TM7SF3: variants seen among roughly 807,000 people sequenced by gnomAD.
TM7SF3 encodes seven span transmembrane protein.
A neutral mutation model predicts 65.5 loss-of-function variants in TM7SF3; 60 were observed. The observed-to-expected ratio is 0.92, with a 90% CI of 0.74 to 1.14. The LOEUF is 1.14. TM7SF3 is among the 50% of genes most tolerant of loss of function. TM7SF3 has a pLI of 0.00. For missense variants in TM7SF3, 623 were observed against 684.8 expected, an observed-to-expected ratio of 0.91 and a Z score of 1.01; for synonymous variants, 264 against 259.6, an observed-to-expected ratio of 1.02 and a Z score of -0.16.
At chr12:26,994,213 T>A (rs1332779200) in intron 5 of TM7SF3, among the ~76,000 whole-genome samples, 1 of 152,206 alleles carries the variant, frequency 6.6e-6, no homozygotes, top group Non-Finnish European at 1.5e-5. Flanking sequence ...ATTTTGTGAA[T>A]AAGCACAATG....
chr12:26,975,546 A>C lies in TM7SF3; in HGVS notation c.1400T>G (p.Leu467Arg). 1 of 1,614,122 alleles carries C rather than the reference A, an allele frequency of 6.2e-7. No individual in the cohort carries two copies. Among genetic ancestry groups the C allele is most frequent in the Middle Eastern group, 1.6e-4 (1 of 6,062 alleles). Residue 467 changes from leucine (L) to arginine (R), a missense_variant, in exon 11 of 12, where the codon CTC becomes CGC. Physicochemically the swap from Leu to Arg is moderately radical, Grantham distance 102 (BLOSUM62 -2). Coordinates refer to ENST00000343028, the MANE Select transcript of TM7SF3 (RefSeq NM_016551.3). ...YITLNVLKRA[L>R]NKDFHRAFTN... ...GAAAGCTCTGTGGAAATCCTTGTTG[A>C]GCGCTCTCTTGAGTACGTTCAAAGT...
rs942363588 is a variant in TM7SF3, at chr12:26,972,589, T to C, written c.*1376A>G. ...TGCCACAATACCCAGCTAATTTTTG[T>C]ATTTTTAGTAGAGACAGGGTGTAGT... On this transcript the variant is annotated 3_prime_UTR_variant, in exon 12 of 12. Coordinates refer to ENST00000343028, the MANE Select transcript of TM7SF3 (RefSeq NM_016551.3). The C allele has an allele frequency of 1.3e-5, 2 of 152,104 alleles. No homozygotes were observed. Among genetic ancestry groups the C allele is most frequent in the Non-Finnish European group, 2.9e-5 (2 of 68,080 alleles). The allele number at this position is 152,104 out of a possible 1,614,324, so 9.4% of individuals were successfully genotyped here.
At chr12:26,983,692 C>T in intron 6 of TM7SF3, 1 of 358,170 alleles carries the variant, frequency 2.8e-6, no homozygotes, top group Non-Finnish European at 5.7e-6. Context: ...AAATTTAAAC[C>T]GAAACTCACA....
intron 6 of TM7SF3, chr12:26,983,572 A>G (rs1441054941): frequency 4.4e-6 from 2 of 455,090 alleles, no homozygotes; most frequent in Non-Finnish European, 8.8e-6. Context: ...TGAGGTGGAG[A>G]GGCAGAGAAG....
At chr12:26,974,298 C>G in intron 11 of TM7SF3, 71 bp from the exon 12 acceptor site, 1 of 1,477,898 alleles carries the variant, frequency 6.8e-7, no homozygotes, top group South Asian at 1.3e-5. Flanking sequence ...TACAACCCTT[C>G]ATGGACTAAA....
intron 1 of TM7SF3, among the ~76,000 whole-genome samples, chr12:27,011,976 C>CT (rs1477299025): frequency 6.6e-6 from 1 of 152,186 alleles, no homozygotes; most frequent in Non-Finnish European, 1.5e-5. Flanking sequence ...GCTCTCCTGA[C>CT]TCAGGGGCTG....
chr12:27,003,200 G>T, intron 2 of TM7SF3, 36 bp downstream of exon 2: 1 of 1,500,388 alleles, frequency 6.7e-7, no homozygotes, highest in Non-Finnish European at 9.1e-7. Flanking sequence ...CCAAAATATA[G>T]AAATGATTTT....
rs1228932529 is a variant in TM7SF3 at position 27,004,484 on chromosome 12, G to C, written c.92-1094C>G. ...CATGTTTTATTTTAGAAGGTAATTAGAGTCAGTGGGCGGTAAAACATTTCA... is the reference window on the plus strand; with the variant it reads ...CATGTTTTATTTTAGAAGGTAATTACAGTCAGTGGGCGGTAAAACATTTCA... On this transcript the variant is annotated intron_variant, in intron 1 of 11. Transcript: ENST00000343028. 3.3e-5 allele frequency among the ~76,000 whole-genome samples: 5 copies of C among 152,194 alleles called. No individual in the cohort carries two copies. In the East Asian group the frequency reaches 9.6e-4, roughly 29 times the overall value.
chr12:27,011,707 A>T (rs1262835452), intron 1 of TM7SF3, among the ~76,000 whole-genome samples: 1 of 152,208 alleles, frequency 6.6e-6, no homozygotes, highest in African/African-American at 2.4e-5. Flanking sequence ...TAGCTGATAG[A>T]TGTGGAGAAT....
chr12:26,995,695 T>C (rs1940562261), intron 4 of TM7SF3, among the ~76,000 whole-genome samples: 1 of 152,172 alleles, frequency 6.6e-6, no homozygotes, highest in African/African-American at 2.4e-5. Context: ...GAAGCCCTAA[T>C]GAATCGAATT....
At chr12:27,012,368 CAA>C (rs201316813) in intron 1 of TM7SF3, among the ~76,000 whole-genome samples, 6 of 146,790 alleles carry the variant, frequency 4.1e-5, no homozygotes, top group African/African-American at 1.3e-4. Context: ...GGTTTTTCTG[CAA>C]AAAAAAAAGT....
chr12:27,001,226 A>T (rs1178435650), intron 2 of TM7SF3, among the ~76,000 whole-genome samples: 3 of 152,180 alleles, frequency 2.0e-5, no homozygotes, highest in African/African-American at 7.2e-5. Flanking sequence ...CTTCTAAGTA[A>T]TATAACAGTG....
At chr12:27,008,053 A>G (rs1941104754) in intron 1 of TM7SF3, among the ~76,000 whole-genome samples, 1 of 152,152 alleles carries the variant, frequency 6.6e-6, no homozygotes, top group African/African-American at 2.4e-5. Flanking sequence ...ACGCATATAC[A>G]CATTTTTGTT....
intron 1 of TM7SF3, among the ~76,000 whole-genome samples, chr12:27,012,231 C>T (rs61920360): frequency 0.032 from 4,924 of 152,244 alleles, 102 homozygotes; most frequent in Non-Finnish European, 0.052. Flanking sequence ...AGCAGCTGTT[C>T]ATTTGTTCCT....
chr12:26,978,629 TGCAATG>T (rs1416997051), intron 9 of TM7SF3: 1 of 152,242 alleles, frequency 6.6e-6, no homozygotes, highest in Non-Finnish European at 1.5e-5. Context: ...CAGGCTGGAG[TGCAATG>T]GCACCATCAT....
rs768595247 is a variant in TM7SF3 at position 26,999,619 on chromosome 12, T to C, written c.304A>G (p.Arg102Gly). Residue 102 changes from arginine to glycine, a missense_variant, in exon 3 of 12, where the codon AGA (arginine) becomes GGA (glycine). Arg to Gly is a moderately radical substitution (Grantham distance 125, BLOSUM62 -2). Transcript: ENST00000343028. ...GTASGLVFIL[R>G]PEQSTCTWYL... ...CAAGTGCATGTACTCTGCTCTGGTC[T>C]AAGGATGAAAACCAGTCCACTGGCA... 1.2e-6 allele frequency: 2 copies of C among 1,614,094 alleles called. No individual in the cohort carries two copies.
At chr12:26,998,294 C>T (rs1940686812) in intron 3 of TM7SF3, among the ~76,000 whole-genome samples, 1 of 152,122 alleles carries the variant, frequency 6.6e-6, no homozygotes, top group Non-Finnish European at 1.5e-5. Context: ...CCCTAAATAT[C>T]CAAGTACATG....
intron 5 of TM7SF3, among the ~76,000 whole-genome samples, chr12:26,990,911 T>C (rs1229279315): frequency 6.6e-6 from 1 of 152,032 alleles, no homozygotes; most frequent in African/African-American, 2.4e-5. Context: ...ATGAAAAAAG[T>C]TTTTTCACCT....
At position 26,973,869 on chromosome 12, in the gene TM7SF3, T is replaced by C; in HGVS notation, c.*96A>G. On this transcript the variant is annotated 3_prime_UTR_variant, in exon 12 of 12. Coordinates refer to ENST00000343028, the MANE Select transcript of TM7SF3 (RefSeq NM_016551.3). Reference sequence around the variant, plus strand: ...TAATATTATGCAAAGAACAGATATATATGCCTGATCTCTTATTAGACTTGC... The same window carrying C: ...TAATATTATGCAAAGAACAGATATACATGCCTGATCTCTTATTAGACTTGC... 6.9e-7 allele frequency: 1 copy of C among 1,448,836 alleles called. No individual in the cohort carries two copies. 89.7% of individuals were successfully genotyped at this position (1,448,836 alleles called of 1,614,324 possible). A position where few individuals can be genotyped will look rare whatever the true frequency, so the allele number is the denominator to read the frequency against.
Sources: gnomAD v4.1 joint callset for allele counts (sites outside exome capture counted in the v4.1 genomes callset) on GRCh38, gnomAD v4.1.1 for gene constraint, MANE v1.5 for transcripts, NCBI Gene and HGNC (gene_info 2026-07-23, HGNC 2026-07-21) for gene names.